Variants in AHCYL2 observed in about 807,000 individuals in gnomAD.
The protein encoded by AHCYL2 is adenosylhomocysteinase like 2.
A neutral mutation model predicts 81.4 loss-of-function variants in AHCYL2; 28 were observed. The observed-to-expected ratio is 0.34, with a 90% CI of 0.25 to 0.47. AHCYL2 has a LOEUF of 0.47. AHCYL2 is among the 20% of genes least tolerant of loss of function. The pLI is 1.00. For synonymous variants in AHCYL2, 272 were observed against 290.2 expected (o/e 0.94, Z 0.64); for missense variants, 551 against 785.1 (o/e 0.70, Z 3.56).
chr7:129,388,276 A>G (rs1378641065), intron 2 of AHCYL2: 1 of 152,212 alleles, frequency 6.6e-6, no homozygotes, highest in Non-Finnish European at 1.5e-5. Context: ...ATGAAGACTA[A>G]AAAGACCCCA....
At chr7:129,339,928 T>TTC (rs1484776852) in intron 1 of AHCYL2, among the ~76,000 whole-genome samples, 1 of 145,460 alleles carries the variant, frequency 6.9e-6, no homozygotes, top group Non-Finnish European at 1.5e-5. Context: ...TTTTTTTTTT[T>TTC]TTTTTTTTGA....
intron 12 of AHCYL2, 140 bp from the exon 13 acceptor site, chr7:129,422,700 C>A (rs1797170246): frequency 1.5e-6 from 1 of 676,474 alleles, no homozygotes. Context: ...CAGTCCTAAC[C>A]AACACAGGAC....
intron 1 of AHCYL2, among the ~76,000 whole-genome samples, chr7:129,285,082 AGC>A (rs2150744001): frequency 6.6e-6 from 1 of 152,200 alleles, no homozygotes; most frequent in East Asian, 1.9e-4. Flanking sequence ...AGCCAGCTCT[AGC>A]TGTAAGCATA....
chr7:129,414,976 T>C (rs936785834), intron 12 of AHCYL2, among the ~76,000 whole-genome samples: 2 of 152,228 alleles, frequency 1.3e-5, no homozygotes, highest in African/African-American at 4.8e-5. Context: ...TTCTGTGCTC[T>C]ATTCTTCCAT....
At chr7:129,384,248 T>C (rs908411310) in intron 2 of AHCYL2, among the ~76,000 whole-genome samples, 2 of 149,380 alleles carry the variant, frequency 1.3e-5, no homozygotes, top group Non-Finnish European at 3.0e-5. Flanking sequence ...ATATATCATA[T>C]ATATTATGTT....
intron 1 of AHCYL2, among the ~76,000 whole-genome samples, chr7:129,370,652 C>T (rs1009795302): frequency 2.0e-5 from 3 of 152,274 alleles, no homozygotes; most frequent in African/African-American, 4.8e-5. Context: ...GAGCTGAGAT[C>T]GCGCCACTGC....
At chr7:129,268,348 T>C (rs1380989089) in intron 1 of AHCYL2, among the ~76,000 whole-genome samples, 3 of 151,980 alleles carry the variant, frequency 2.0e-5, no homozygotes, top group African/African-American at 7.2e-5. Flanking sequence ...TCTTTTTTTG[T>C]TTTTGTTTTT....
rs532320561 is a variant in AHCYL2 at position 129,405,723 on chromosome 7, C to A, written c.1143-113C>A. ...TAAAAAAATAAAGAAACCAGACTTT[C>A]TTTCAAAATGAAAAACCAACCAAAA... On this transcript the variant is annotated intron_variant, in intron 8 of 16. Transcript: ENST00000325006. 14 of 945,996 alleles carry A rather than the reference C, an allele frequency of 1.5e-5. 1 individual carries two copies. The highest frequency in any genetic ancestry group is 2.6e-5 in the East Asian group (1 of 38,086). 58.6% of individuals were successfully genotyped at this position (945,996 alleles called of 1,614,324 possible).
intron 2 of AHCYL2, among the ~76,000 whole-genome samples, chr7:129,382,886 A>G (rs1200726429): frequency 6.6e-6 from 1 of 152,226 alleles, no homozygotes; most frequent in Non-Finnish European, 1.5e-5. Context: ...AGCCTGGGCA[A>G]CAAGAGTGAA....
chr7:129,234,882 C>T (rs928561148), intron 1 of AHCYL2, among the ~76,000 whole-genome samples: 1 of 152,200 alleles, frequency 6.6e-6, no homozygotes, highest in African/African-American at 2.4e-5. Flanking sequence ...GCCCTATTGT[C>T]TCCCATTTTG....
chr7:129,341,289 A>G (rs1339091908), intron 1 of AHCYL2, among the ~76,000 whole-genome samples: 1 of 152,198 alleles, frequency 6.6e-6, no homozygotes, highest in Non-Finnish European at 1.5e-5. Context: ...AAATATATGG[A>G]GAAACTAGGT....
At chr7:129,275,691 C>T (rs1334255612) in intron 1 of AHCYL2, among the ~76,000 whole-genome samples, 1 of 151,938 alleles carries the variant, frequency 6.6e-6, no homozygotes, top group African/African-American at 2.4e-5. Context: ...CATCTTATAG[C>T]ATGGCCTTAA....
rs1290815077 is a variant in AHCYL2 at position 129,429,933 on chromosome 7, T to C, written c.*2888T>C. The C allele has an allele frequency of 6.6e-6, 1 of 152,406 alleles. No homozygotes were observed. Among genetic ancestry groups the C allele is most frequent in the African/African-American group, 2.4e-5 (1 of 41,388 alleles). The allele number at this position is 152,406 out of a possible 1,614,324, so 9.4% of individuals were successfully genotyped here. A position where few individuals can be genotyped will look rare whatever the true frequency, so the allele number is the denominator to read the frequency against. On this transcript the variant is annotated 3_prime_UTR_variant, in exon 17 of 17. Coordinates refer to ENST00000325006, the MANE Select transcript of AHCYL2 (RefSeq NM_015328.4). ...AAGGAATCAAAATGCATTGTTGCAT[T>C]AAGCTTTTTCAATAAAGGAAAATTA...
chr7:129,422,115 T>TA (rs956479824), intron 12 of AHCYL2, among the ~76,000 whole-genome samples: 27 of 152,226 alleles, frequency 1.8e-4, no homozygotes, highest in Admixed American at 5.2e-4. Flanking sequence ...TTGCTGCTGT[T>TA]AAAAAAACAT....
At position 129,406,818 on chromosome 7, in the gene AHCYL2, T is replaced by C. The variant is rs1796328930; in HGVS notation, c.1295+352T>C. Among the ~76,000 whole-genome samples the C allele has an allele frequency of 6.6e-6, 1 of 152,200 alleles. No individual in the cohort carries two copies. The highest frequency in any genetic ancestry group is 1.5e-5 in the Non-Finnish European group (1 of 68,040). Reference sequence around the variant, plus strand: ...TGTGTTACACTGAAAATAGCCCTTCTGTGGTATTCCTCCCAAAAATGTATA... The same window carrying C: ...TGTGTTACACTGAAAATAGCCCTTCCGTGGTATTCCTCCCAAAAATGTATA... On this transcript the variant is annotated intron_variant, in intron 10 of 16. Transcript: ENST00000325006. This position sits in a 1 kb window ranked among gnomAD's most constrained non-coding sequence, Gnocchi z 4.3.
rs758701706 is a variant in AHCYL2 at position 129,225,038 on chromosome 7, G to C, written c.-39G>C. ...GGGAGGCGGGGCCGACCAAGAGCAGGAGCTGGAGTCTGAGCCGGTGGTTGC... is the reference window on the plus strand; with the variant it reads ...GGGAGGCGGGGCCGACCAAGAGCAGCAGCTGGAGTCTGAGCCGGTGGTTGC... On this transcript the variant is annotated 5_prime_UTR_variant, in exon 1 of 17. Transcript: ENST00000325006. The C allele has an allele frequency of 2.6e-6, 4 of 1,562,638 alleles. No individual in the cohort carries two copies. Among genetic ancestry groups the C allele is most frequent in the African/African-American group, 2.7e-5 (2 of 73,678 alleles).
At chr7:129,241,136 T>G (rs1489453585) in intron 1 of AHCYL2, among the ~76,000 whole-genome samples, 1 of 152,172 alleles carries the variant, frequency 6.6e-6, no homozygotes, top group African/African-American at 2.4e-5. Context: ...AGTTGACACA[T>G]GCAGCATGTT....
intron 1 of AHCYL2, among the ~76,000 whole-genome samples, chr7:129,329,880 A>G (rs140035003): frequency 8.9e-4 from 136 of 152,374 alleles, no homozygotes; most frequent in African/African-American, 3.1e-3. Flanking sequence ...AAAGCAAACA[A>G]GGAAATTTAG....
At chr7:129,310,230 A>G (rs12112374) in intron 1 of AHCYL2, among the ~76,000 whole-genome samples, 36,993 of 151,992 alleles carry the variant, frequency 0.24, 4,573 homozygotes, top group South Asian at 0.37. Context: ...GACCCCATAA[A>G]TCTCTAATCC....
Sources: allele counts gnomAD v4.1 joint callset (sites outside exome capture counted in the v4.1 genomes callset), GRCh38; gene constraint gnomAD v4.1.1; non-coding constraint Gnocchi (gnomAD v3.1); transcripts MANE v1.5; gene names NCBI Gene and HGNC (gene_info 2026-07-23, HGNC 2026-07-21).